The following SLC45A4 variants were observed in gnomAD, a reference collection of about 807,000 sequenced individuals.
SLC45A4 encodes the protein solute carrier family 45 member 4.
A neutral mutation model predicts 63.7 loss-of-function variants in SLC45A4; 32 were observed. The ratio of observed to expected loss-of-function variants is 0.50; its 90% CI spans 0.38 to 0.67. SLC45A4 has a LOEUF of 0.67. SLC45A4 is among the 30% of genes least tolerant of loss of function. The probability of loss-of-function intolerance (pLI) is 0.00; values close to 1 mark genes in which losing one functional copy is unlikely to be tolerated. For synonymous variants in SLC45A4, 535 were observed against 510.0 expected (o/e 1.05, Z -0.66); for missense variants, 1,027 against 1,157.7 (o/e 0.89, Z 1.64).
At position 141,215,669 on chromosome 8, in the gene SLC45A4, T is replaced by A; in HGVS notation, c.1941+90A>T. On this transcript the variant is annotated intron_variant, in intron 7 of 8. Coordinates refer to ENST00000517878, the MANE Select transcript of SLC45A4 (RefSeq NM_001286646.2). This position sits in a 1 kb window ranked among gnomAD's most constrained non-coding sequence, Gnocchi z 4.3. ...AGGAGGGCCATCTGTGTCGTGAACGTCCCCCCGGGGAAGCACAGGGCTCTG... is the reference window on the plus strand; with the variant it reads ...AGGAGGGCCATCTGTGTCGTGAACGACCCCCCGGGGAAGCACAGGGCTCTG... The A allele has an allele frequency of 7.3e-7, 1 of 1,363,848 alleles. No homozygotes were observed. The highest frequency in any genetic ancestry group is 1.0e-6 in the Non-Finnish European group (1 of 975,614). 84.5% of individuals were successfully genotyped at this position (1,363,848 alleles called of 1,614,324 possible). A position where few individuals can be genotyped will look rare whatever the true frequency, so the allele number is the denominator to read the frequency against.
chr8:141,220,882 C>T (rs573348066), intron 3 of SLC45A4, among the ~76,000 whole-genome samples: 10 of 152,352 alleles, frequency 6.6e-5, no homozygotes, highest in African/African-American at 2.4e-4. Context: ...GGCAGCTCCG[C>T]GCCCAGCAGG....
intron 2 of SLC45A4, among the ~76,000 whole-genome samples, chr8:141,233,251 A>T (rs894559422): frequency 1.1e-4 from 16 of 152,234 alleles, no homozygotes; most frequent in African/African-American, 3.9e-4. Context: ...TACCCTGCCT[A>T]CTGCCACACA....
chr8:141,263,208 C>T (rs1340760986), intron 1 of SLC45A4, among the ~76,000 whole-genome samples: 1 of 105,316 alleles, frequency 9.5e-6, no homozygotes, highest in Non-Finnish European at 1.7e-5. Context: ...ACGCCGGGGA[C>T]TGTTGTGGGG....
chr8:141,240,915 G>T (rs905331099), intron 2 of SLC45A4, among the ~76,000 whole-genome samples: 1 of 152,208 alleles, frequency 6.6e-6, no homozygotes, highest in African/African-American at 2.4e-5. Context: ...CCTCCAGACC[G>T]TCCTGTGAGG....
At position 141,278,053 on chromosome 8, in the gene SLC45A4, T is replaced by A. The variant is rs549318633; in HGVS notation, c.-400-23424A>T. Among the ~76,000 whole-genome samples the A allele has an allele frequency of 2.8e-4, 42 of 152,352 alleles. No individual in the cohort carries two copies. Among genetic ancestry groups the A allele is most frequent in the South Asian group, 2.3e-3 (11 of 4,828 alleles). ...CCTCCCAAGCAGCTGGGACTACAGA[T>A]GCATGCCAACATCCATGTCCGACTT... On this transcript the variant is annotated intron_variant, in intron 1 of 8. Coordinates refer to ENST00000517878, the MANE Select transcript of SLC45A4 (RefSeq NM_001286646.2). This position sits in a 1 kb window ranked among gnomAD's most constrained non-coding sequence, Gnocchi z 4.1.
chr8:141,219,816 G>T lies in SLC45A4; in HGVS notation c.444C>A (p.Gly148=), dbSNP rs55714105. The change falls in exon 4 of 9, where the codon GGC becomes GGA. Residue 148 remains glycine (G), a synonymous_variant. Transcript: ENST00000517878. ...LNGSAIGLAL[G]DVPNRQPIGI... Reference sequence around the variant, plus strand: ...CAATGGGCTGCCGGTTGGGGACATCGCCGAGGGCCAGACCTGCGCAGAGCA... The same window carrying T: ...CAATGGGCTGCCGGTTGGGGACATCTCCGAGGGCCAGACCTGCGCAGAGCA... 3,659 of 1,583,684 alleles carry T rather than the reference G, an allele frequency of 2.3e-3. 56 individuals are homozygous for T. The African/African-American group carries it at 0.038, about 16-fold the overall frequency.
intron 5 of SLC45A4, 134 bp downstream of exon 5, chr8:141,217,877 G>T: frequency 8.7e-7 from 1 of 1,143,008 alleles, no homozygotes; most frequent in Non-Finnish European, 1.2e-6. Flanking sequence ...TCCCTCACCT[G>T]CACGGGAGGC....
Position 141,209,037 on chromosome 8 carries a change from C to G in SLC45A4, c.*2535G>C, listed in dbSNP as rs760880713. 1 of 152,532 alleles carries G rather than the reference C, an allele frequency of 6.6e-6. No homozygotes were observed. Among genetic ancestry groups the G allele is most frequent in the African/African-American group, 2.4e-5 (1 of 41,476 alleles). 9.4% of individuals were successfully genotyped at this position (152,532 alleles called of 1,614,324 possible). On this transcript the variant is annotated 3_prime_UTR_variant, in exon 9 of 9. Coordinates refer to ENST00000517878, the MANE Select transcript of SLC45A4 (RefSeq NM_001286646.2). ...CACAGCCCACACCCCAAGGGTGCCA[C>G]GAGCCCAACTCCAGCTGCGTCCTCA... is the stretch of plus-strand genomic sequence containing the variant.
At chr8:141,260,674 G>A (rs557501055) in intron 1 of SLC45A4, among the ~76,000 whole-genome samples, 1 of 152,308 alleles carries the variant, frequency 6.6e-6, no homozygotes, top group East Asian at 1.9e-4. Context: ...GACTAAATCA[G>A]GAAGAAGTTG....
rs34000047 is a variant in SLC45A4, at chr8:141,229,256, C to T, written c.242-7491G>A. Among the ~76,000 whole-genome samples the T allele has an allele frequency of 0.13, 20,112 of 152,088 alleles. 1,567 individuals carry two copies. Among genetic ancestry groups the T allele is most frequent in the Non-Finnish European group, 0.17 (11,825 of 67,982 alleles). On this transcript the variant is annotated intron_variant, in intron 2 of 8. Transcript: ENST00000517878. This position sits in a 1 kb window ranked among gnomAD's most constrained non-coding sequence, Gnocchi z 5.0. ...TGCAGTCAGAGTGACCACCTAAAACCCACTGCTTGCACCTGCCGTGGCGTC... is the reference window on the plus strand; with the variant it reads ...TGCAGTCAGAGTGACCACCTAAAACTCACTGCTTGCACCTGCCGTGGCGTC...
intron 1 of SLC45A4, among the ~76,000 whole-genome samples, chr8:141,269,369 T>C (rs745988406): frequency 8.5e-5 from 13 of 152,350 alleles, no homozygotes; most frequent in African/African-American, 3.1e-4. Context: ...CCTTCTTCTC[T>C]GCTCTCCTTT....
At chr8:141,281,863 G>T (rs1829960614) in intron 1 of SLC45A4, among the ~76,000 whole-genome samples, 1 of 152,142 alleles carries the variant, frequency 6.6e-6, no homozygotes, top group African/African-American at 2.4e-5. Flanking sequence ...AGGTTAATAA[G>T]TGTTTCGCAC....
intron 2 of SLC45A4, among the ~76,000 whole-genome samples, chr8:141,244,957 T>TA (rs1555571934): frequency 1.2e-4 from 1 of 8,418 alleles, no homozygotes; most frequent in Non-Finnish European, 2.6e-4. Context: ...AAGACGTGGG[T>TA]GGGGGGGGGG....
At chr8:141,214,037 G>A (rs559283531) in intron 7 of SLC45A4, among the ~76,000 whole-genome samples, 2 of 152,054 alleles carry the variant, frequency 1.3e-5, no homozygotes, top group East Asian at 1.9e-4. Flanking sequence ...TGAAACTGTC[G>A]TCTCTACTAA....
chr8:141,228,236 A>C, intron 2 of SLC45A4: 1 of 1,614,060 alleles, frequency 6.2e-7, no homozygotes, highest in Non-Finnish European at 8.5e-7. Flanking sequence ...TTTGGACGGG[A>C]CAGCCCTGAG....
intron 1 of SLC45A4, among the ~76,000 whole-genome samples, chr8:141,297,221 A>G (rs1354063609): frequency 6.6e-6 from 1 of 151,854 alleles, no homozygotes; most frequent in African/African-American, 2.4e-5. Context: ...TTCCCCTCTG[A>G]GTTATTAAAG....
At chr8:141,287,626 G>C (rs1285235454) in intron 1 of SLC45A4, among the ~76,000 whole-genome samples, 1 of 152,220 alleles carries the variant, frequency 6.6e-6, no homozygotes, top group Non-Finnish European at 1.5e-5. Flanking sequence ...TCTTCTGTGC[G>C]GCATCTTTTC....
At chr8:141,258,892 T>TAAA (rs1308328481) in intron 1 of SLC45A4, among the ~76,000 whole-genome samples, 8 of 112,806 alleles carry the variant, frequency 7.1e-5, no homozygotes, top group African/African-American at 1.1e-4. Flanking sequence ...CCTCTTTTTT[T>TAAA]TAAAAAAAAA....
intron 2 of SLC45A4, 133 bp from the exon 3 acceptor site, chr8:141,221,898 TC>T: frequency 1.1e-6 from 1 of 921,984 alleles, no homozygotes; most frequent in Non-Finnish European, 1.6e-6. Flanking sequence ...TCAGGTTGTC[TC>T]CACGGGGTAG....
Sources: gnomAD v4.1 joint callset for allele counts (sites outside exome capture counted in the v4.1 genomes callset) on GRCh38, gnomAD v4.1.1 for gene constraint, Gnocchi (gnomAD v3.1) non-coding constraint, MANE v1.5 for transcripts, NCBI Gene and HGNC (gene_info 2026-07-23, HGNC 2026-07-21) for gene names.